GRIK5: variants seen among roughly 807,000 people sequenced by gnomAD.
The protein encoded by GRIK5 is glutamate ionotropic receptor kainate type subunit 5.
GRIK5 carries 43 observed loss-of-function variants against 97.4 expected under a neutral mutation model. The observed-to-expected ratio is 0.44, with a 90% CI of 0.35 to 0.57. GRIK5 has a LOEUF of 0.57. GRIK5 is among the 20% of genes least tolerant of loss of function. The probability of loss-of-function intolerance (pLI) is 0.01; values close to 1 mark genes in which losing one functional copy is unlikely to be tolerated. For synonymous variants in GRIK5, 580 were observed against 583.5 expected, an observed-to-expected ratio of 0.99 and a Z score of 0.09; for missense variants, 1,015 against 1,382.0, an observed-to-expected ratio of 0.73 and a Z score of 4.21.
rs781817484 is a variant in GRIK5, at chr19:42,006,732, C to T, written c.1950G>A (p.Val650=). ...AAFLTVQRME[V]PVESADDLAD... ...CCAGGTCATCGGCCGACTCCACAGG[C>T]ACCTCCATGCGCTGCACGGTGAGGA... Residue 650 remains valine, a synonymous_variant, in exon 16 of 20, where the codon GTG becomes GTA. Coordinates refer to ENST00000593562, the MANE Select transcript of GRIK5 (RefSeq NM_002088.5). This position sits in a 1 kb window ranked among gnomAD's most constrained non-coding sequence, Gnocchi z 5.3. 5.0e-6 allele frequency: 8 copies of T among 1,614,040 alleles called. No homozygotes were observed. The highest frequency in any genetic ancestry group is 1.1e-5 in the South Asian group (1 of 91,082).
chr19:42,008,108 C>G (rs747759259), intron 15 of GRIK5, among the ~76,000 whole-genome samples: 1 of 151,888 alleles, frequency 6.6e-6, no homozygotes, highest in Admixed American at 6.6e-5. Context: ...CTTGGCCACT[C>G]CCGGGTTCAA....
rs1031839009 is a variant in GRIK5 at position 42,021,060 on chromosome 19, T to C, written c.1871+241A>G. Among the ~76,000 whole-genome samples the C allele has an allele frequency of 6.6e-6, 1 of 152,162 alleles. No individual in the cohort carries two copies. The highest frequency in any genetic ancestry group is 1.5e-5 in the Non-Finnish European group (1 of 68,020). ...TCACAACCCTGAGACATGGGCATCT[T>C]TCTCCCCATCTTTCAGGGAGGTCAC... On this transcript the variant is annotated intron_variant, in intron 15 of 19. Coordinates refer to ENST00000593562, the MANE Select transcript of GRIK5 (RefSeq NM_002088.5). The surrounding 1 kb of genome is among the most constrained non-coding windows in gnomAD (Gnocchi z 4.2).
chr19:42,055,340 A>G (rs752182537), intron 8 of GRIK5, among the ~76,000 whole-genome samples: 8 of 152,148 alleles, frequency 5.3e-5, no homozygotes, highest in Non-Finnish European at 1.0e-4. Context: ...CTGACTGGAC[A>G]GCTTGGTGTC....
chr19:42,068,824 T>A, intron 1 of GRIK5: 1 of 644,674 alleles, frequency 1.6e-6, no homozygotes, highest in Non-Finnish European at 2.8e-6. Flanking sequence ...ATCCAGGAGA[T>A]AGAGACTGGA....
chr19:42,047,944 G>T (rs988591857), intron 11 of GRIK5, among the ~76,000 whole-genome samples: 2 of 137,906 alleles, frequency 1.5e-5, no homozygotes, highest in African/African-American at 5.4e-5. Context: ...CTACATTCCA[G>T]CCTGGGCAAC....
chr19:42,058,139 C>T (rs980587914), intron 6 of GRIK5, among the ~76,000 whole-genome samples: 1 of 152,184 alleles, frequency 6.6e-6, no homozygotes, highest in Non-Finnish European at 1.5e-5. Flanking sequence ...TCTGTTCACA[C>T]TTCCTGCGGG....
intron 1 of GRIK5, chr19:42,068,511 C>A: frequency 2.6e-6 from 1 of 385,622 alleles, no homozygotes. Flanking sequence ...GCCGGGCACC[C>A]AGAGTGGATC....
chr19:42,008,121 G>C (rs1333762044), intron 15 of GRIK5, among the ~76,000 whole-genome samples: 1 of 151,914 alleles, frequency 6.6e-6, no homozygotes, highest in Non-Finnish European at 1.5e-5. Flanking sequence ...GGGTTCAAGT[G>C]ATTCTCCCGC....
chr19:42,003,207 A>G lies in GRIK5; in HGVS notation c.2514+125T>C, dbSNP rs2075444435. ...GCTCTCTTACTTCCCCACCTCCTGCATTCCTCTGCCCCCTTCTCGCGATCC... is the reference window on the plus strand; with the variant it reads ...GCTCTCTTACTTCCCCACCTCCTGCGTTCCTCTGCCCCCTTCTCGCGATCC... On this transcript the variant is annotated intron_variant, in intron 19 of 19. Transcript: ENST00000593562. The surrounding 1 kb of genome is among the most constrained non-coding windows in gnomAD (Gnocchi z 4.2). 1.2e-6 allele frequency: 1 copy of G among 821,936 alleles called. No homozygotes were observed. Among genetic ancestry groups the G allele is most frequent in the East Asian group, 2.5e-5 (1 of 40,386 alleles). 50.9% of individuals were successfully genotyped at this position (821,936 alleles called of 1,614,324 possible).
chr19:42,015,042 AGAATGTTACCAG>A (rs2075608776), intron 15 of GRIK5, among the ~76,000 whole-genome samples: 1 of 152,390 alleles, frequency 6.6e-6, no homozygotes, highest in African/African-American at 2.4e-5. Context: ...TTCAGAACAC[AGAATGTTACCAG>A]GAATAAGGAG....
intron 12 of GRIK5, among the ~76,000 whole-genome samples, chr19:42,032,071 C>T (rs1289996559): frequency 6.6e-6 from 1 of 152,178 alleles, no homozygotes; most frequent in African/African-American, 2.4e-5. Flanking sequence ...TGTGATGGCA[C>T]CACAGCACTC....
intron 11 of GRIK5, among the ~76,000 whole-genome samples, chr19:42,049,859 T>C (rs1435476916): frequency 6.6e-6 from 1 of 152,204 alleles, no homozygotes; most frequent in Non-Finnish European, 1.5e-5. Flanking sequence ...TCCAAATCCT[T>C]GTCCAGGATT....
At chr19:42,040,597 C>T (rs1046088965) in intron 12 of GRIK5, among the ~76,000 whole-genome samples, 3 of 152,126 alleles carry the variant, frequency 2.0e-5, no homozygotes, top group Non-Finnish European at 4.4e-5. Flanking sequence ...GTGTCTCATA[C>T]TTGTAATCCT....
intron 8 of GRIK5, among the ~76,000 whole-genome samples, chr19:42,056,138 T>C (rs1236337547): frequency 2.0e-5 from 3 of 152,150 alleles, no homozygotes; most frequent in Non-Finnish European, 4.4e-5. Context: ...GCACCTGCCA[T>C]CATGCCCAGC....
chr19:42,030,034 G>GC (rs2075822455), intron 12 of GRIK5, among the ~76,000 whole-genome samples: 1 of 152,138 alleles, frequency 6.6e-6, no homozygotes, highest in African/African-American at 2.4e-5. Context: ...CGTTGCTACT[G>GC]CCATGACCTC....
chr19:42,056,719 G>C lies in GRIK5; in HGVS notation c.846C>G (p.Arg282=). 4 of 1,614,120 alleles carry C rather than the reference G, an allele frequency of 2.5e-6. No homozygotes were observed. The highest frequency in any genetic ancestry group is 3.4e-6 in the Non-Finnish European group (4 of 1,179,954). ...TSHPFYPEFV[R]SLNMSWRENC... is the part of the protein sequence containing the mutation. ...TCTCCCTCCAGGACATGTTGAGGCT[G>C]CGGACAAACTCAGGGTAGAAGGGGT... The change falls in exon 8 of 20, where the codon CGC becomes CGG. Residue 282 remains arginine, a synonymous_variant. Transcript: ENST00000593562.
chr19:42,028,621 C>A (rs2075800783), intron 12 of GRIK5, among the ~76,000 whole-genome samples: 1 of 152,262 alleles, frequency 6.6e-6, no homozygotes, highest in Non-Finnish European at 1.5e-5. Context: ...AAGCACCTCT[C>A]CCCAGGGTCT....
intron 19 of GRIK5, among the ~76,000 whole-genome samples, chr19:42,000,395 A>G (rs1555870673): frequency 6.6e-6 from 1 of 152,188 alleles, no homozygotes; most frequent in Non-Finnish European, 1.5e-5. Flanking sequence ...CTGAAGGTGG[A>G]GCCAATAGGA....
chr19:42,030,747 A>C (rs2075831741), intron 12 of GRIK5, among the ~76,000 whole-genome samples: 1 of 152,098 alleles, frequency 6.6e-6, no homozygotes, highest in African/African-American at 2.4e-5. Flanking sequence ...TACAGGCATT[A>C]GCCACTGCAT....
Sources: gnomAD v4.1 joint callset for allele counts (sites outside exome capture counted in the v4.1 genomes callset) on GRCh38, gnomAD v4.1.1 for gene constraint, Gnocchi (gnomAD v3.1) non-coding constraint, MANE v1.5 for transcripts, NCBI Gene and HGNC (gene_info 2026-07-23, HGNC 2026-07-21) for gene names.